The following C20orf96 variants were observed in gnomAD, a reference collection of about 807,000 sequenced individuals.
C20orf96 encodes the protein uncharacterized protein C20orf96.
In C20orf96, 57 loss-of-function variants were observed where a neutral mutation model predicts 52.6. The ratio of observed to expected loss-of-function variants is 1.08; its 90% CI spans 0.88 to 1.35. The LOEUF (loss-of-function observed/expected upper bound fraction) is 1.35. C20orf96 is among the 40% of genes most tolerant of loss of function. The pLI, the probability that C20orf96 is intolerant of heterozygous loss-of-function variation, is 0.00. For synonymous variants in C20orf96, 168 were observed against 157.2 expected (o/e 1.07, Z -0.51); for missense variants, 478 against 443.6 (o/e 1.08, Z -0.70).
chr20:288,881 T>C (rs2012465189), intron 3 of C20orf96, among the ~76,000 whole-genome samples: 1 of 152,226 alleles, frequency 6.6e-6, no homozygotes, highest in Non-Finnish European at 1.5e-5. Context: ...TAGGTGGTAT[T>C]AGTGTCCCCA....
chr20:281,585 C>T (rs116876909), intron 4 of C20orf96, among the ~76,000 whole-genome samples: 6,475 of 152,316 alleles, frequency 0.043, 183 homozygotes, highest in East Asian at 0.11. Context: ...TGAGTGCTTG[C>T]CATGTGGCTG....
intron 10 of C20orf96, among the ~76,000 whole-genome samples, chr20:272,550 TCTCA>T (rs1281590499): frequency 2.6e-5 from 4 of 151,956 alleles, no homozygotes; most frequent in Non-Finnish European, 2.9e-5. Flanking sequence ...GAGATGGAGG[TCTCA>T]CTATGTTGTC....
At chr20:288,605 G>T (rs1011597653) in intron 3 of C20orf96, among the ~76,000 whole-genome samples, 1 of 152,116 alleles carries the variant, frequency 6.6e-6, no homozygotes, top group Admixed American at 6.6e-5. Context: ...GGGAGCCTGA[G>T]CCTCTATCCC....
At chr20:275,600 T>C (rs1469531739) in intron 10 of C20orf96, among the ~76,000 whole-genome samples, 3 of 152,150 alleles carry the variant, frequency 2.0e-5, no homozygotes, top group Non-Finnish European at 4.4e-5. Context: ...TCTCTCCTTG[T>C]AGAGTGTCTT....
intron 3 of C20orf96, among the ~76,000 whole-genome samples, chr20:289,290 C>T (rs539095652): frequency 6.6e-6 from 1 of 151,870 alleles, no homozygotes; most frequent in African/African-American, 2.4e-5. Flanking sequence ...CAGCAGAAGA[C>T]TTCAAGACCT....
chr20:272,371 GT>G (rs1004056398), intron 10 of C20orf96, among the ~76,000 whole-genome samples: 12 of 152,098 alleles, frequency 7.9e-5, no homozygotes, highest in Non-Finnish European at 1.6e-4. Flanking sequence ...TTTTTGTTTT[GT>G]TTTGTTTTGT....
At chr20:280,608 CT>C (rs1310988467) in intron 4 of C20orf96, among the ~76,000 whole-genome samples, 1 of 152,222 alleles carries the variant, frequency 6.6e-6, no homozygotes, top group Non-Finnish European at 1.5e-5. Flanking sequence ...GAAAGCCAGA[CT>C]TCTGAATCCC....
intron 10 of C20orf96, among the ~76,000 whole-genome samples, chr20:273,951 AGAAG>A (rs143433758): frequency 0.031 from 4,481 of 145,022 alleles, 188 homozygotes; most frequent in African/African-American, 0.084. Flanking sequence ...AAAGAAAGAA[AGAAG>A]GAAGAAAGAA....
At position 278,352 on chromosome 20, in the gene C20orf96, T is replaced by C; in HGVS notation, c.543A>G (p.Glu181=). Residue 181 remains glutamate, a synonymous_variant, in exon 6 of 11, where the codon GAA becomes GAG. Transcript: ENST00000360321. Reference sequence around the variant, plus strand: ...TACAGCTCATCTTGCATTTCTTCTTTTCTTCCCACTCCTGAAGCTCAGATT... The same window carrying C: ...TACAGCTCATCTTGCATTTCTTCTTCTCTTCCCACTCCTGAAGCTCAGATT... ...QLKSELQEWE[E]KKKCKMSYLE... is the part of the protein sequence containing the mutation. The C allele has an allele frequency of 6.2e-7, 1 of 1,613,958 alleles. No individual in the cohort carries two copies. Among genetic ancestry groups the C allele is most frequent in the African/African-American group, 1.3e-5 (1 of 75,030 alleles).
chr20:289,944 C>T (rs1427242342), intron 2 of C20orf96, among the ~76,000 whole-genome samples: 1 of 152,132 alleles, frequency 6.6e-6, no homozygotes, highest in Non-Finnish European at 1.5e-5. Context: ...CACATCCAGG[C>T]TGTGAGGTGC....
chr20:283,067 A>G lies in C20orf96; in HGVS notation c.306+896T>C, dbSNP rs536364071. On this transcript the variant is annotated intron_variant, in intron 4 of 10. Coordinates refer to ENST00000360321, the MANE Select transcript of C20orf96 (RefSeq NM_153269.3). ...AAAAATTTTCTTGAAGAATTATTCT[A>G]TAGTATTTTGTAGTCTTTATAATAC... Among the ~76,000 whole-genome samples the G allele has an allele frequency of 5.3e-5, 8 of 152,312 alleles. No individual in the cohort carries two copies. In the East Asian group the frequency reaches 1.5e-3, roughly 29 times the overall value.
At position 289,539 on chromosome 20, in the gene C20orf96, TC is replaced by T; in HGVS notation, c.187+19del. The T allele has an allele frequency of 6.5e-7, 1 of 1,540,734 alleles. No homozygotes were observed. Among genetic ancestry groups the T allele is most frequent in the South Asian group, 1.1e-5 (1 of 89,616 alleles). ...TCCTGTCTCCAACCCCCACACCAGC[TC>T]CCAGGTGCCTCCGCCCACCTGGTTG... On this transcript the variant is annotated intron_variant, in intron 3 of 10. Coordinates refer to ENST00000360321, the MANE Select transcript of C20orf96 (RefSeq NM_153269.3).
intron 4 of C20orf96, 34 bp downstream of exon 4, chr20:283,929 T>C (rs1228690268): frequency 3.4e-6 from 5 of 1,456,950 alleles, no homozygotes; most frequent in Non-Finnish European, 4.8e-6. Context: ...GTCCCTGTCC[T>C]GGGCCCAGTG....
At chr20:283,631 A>C (rs13433243) in intron 4 of C20orf96, among the ~76,000 whole-genome samples, 22,070 of 152,056 alleles carry the variant, frequency 0.15, 1,802 homozygotes, top group African/African-American at 0.21. Context: ...AAGATAAATA[A>C]GCCACTAGAT....
rs200190198 is a variant in C20orf96 at position 275,918 on chromosome 20, G to A, written c.1031+50C>T. On this transcript the variant is annotated intron_variant, in intron 10 of 10. Coordinates refer to ENST00000360321, the MANE Select transcript of C20orf96 (RefSeq NM_153269.3). ...TTCCCCAAGAACAGAGAGCCTCCGT[G>A]AGCTCAGAGTGTGACTGGTTTAAGA... is the stretch of plus-strand genomic sequence containing the variant. The A allele has an allele frequency of 2.2e-3, 3,398 of 1,538,770 alleles. 10 individuals are homozygous for A. Among genetic ancestry groups the A allele is most frequent in the Non-Finnish European group, 2.7e-3 (2,948 of 1,111,406 alleles).
chr20:270,957 A>C lies in C20orf96; in HGVS notation c.*250T>G. The C allele has an allele frequency of 3.4e-5, 16 of 470,206 alleles. No homozygotes were observed. The highest frequency in any genetic ancestry group is 8.5e-5 in the East Asian group (2 of 23,424). The allele number at this position is 470,206 out of a possible 1,614,324, so 29.1% of individuals were successfully genotyped here. ...AGCAGCACCAACCAGAAAGAAGGGAAGAAGAGAGGAAAAAACCACAGGAAG... is the reference window on the plus strand; with the variant it reads ...AGCAGCACCAACCAGAAAGAAGGGACGAAGAGAGGAAAAAACCACAGGAAG... On this transcript the variant is annotated 3_prime_UTR_variant, in exon 11 of 11. Coordinates refer to ENST00000360321, the MANE Select transcript of C20orf96 (RefSeq NM_153269.3).
At chr20:272,183 A>G in intron 10 of C20orf96, among the ~76,000 whole-genome samples, 1 of 149,560 alleles carries the variant, frequency 6.7e-6, no homozygotes, top group Non-Finnish European at 1.5e-5. Context: ...TATATTTGAA[A>G]TTTTTCATAA....
In C20orf96 at chr20:284,974, TG is replaced by T. The variant is rs1242127617; in HGVS notation, c.188-894del. On this transcript the variant is annotated intron_variant, in intron 3 of 10. Coordinates refer to ENST00000360321, the MANE Select transcript of C20orf96 (RefSeq NM_153269.3). ...TCCCTCCATTCGTCCACCTATAAAA[TG>T]GGAATAATCATCACGCCCACCTCAT... Among the ~76,000 whole-genome samples, 4 of 152,296 alleles carry T rather than the reference TG, an allele frequency of 2.6e-5. No individual in the cohort carries two copies. The East Asian group carries it at 5.8e-4, about 22-fold the overall frequency.
chr20:275,920 G>A (rs979672287), intron 10 of C20orf96, 48 bp downstream of exon 10: 12 of 1,545,890 alleles, frequency 7.8e-6, no homozygotes, highest in African/African-American at 1.4e-5. Flanking sequence ...GCCTCCGTGA[G>A]CTCAGAGTGT....
Sources: gnomAD v4.1 joint callset for allele counts (sites outside exome capture counted in the v4.1 genomes callset) on GRCh38, gnomAD v4.1.1 for gene constraint, MANE v1.5 for transcripts, NCBI Gene and HGNC (gene_info 2026-07-23, HGNC 2026-07-21) for gene names.